The following RTN4 variants were observed in gnomAD, a reference collection of about 807,000 sequenced individuals.
The protein encoded by RTN4 is reticulon 4.
Under a neutral mutation model 90.4 loss-of-function variants are expected in RTN4, and 32 were observed. That is an observed-to-expected ratio of 0.35 (90% CI 0.27 to 0.48). RTN4 has a LOEUF of 0.48. Ranked by LOEUF, RTN4 falls within the 20% of genes least tolerant of loss-of-function variation. The pLI is 0.99. For synonymous variants in RTN4, 629 were observed against 552.5 expected (o/e 1.14, Z -1.94); for missense variants, 1,706 against 1,430.2 (o/e 1.19, Z -3.11).
At chr2:55,123,191 G>C in the RTN4 span, among the ~76,000 whole-genome samples, 3 of 152,018 alleles carry the variant, frequency 2.0e-5, no homozygotes, top group Admixed American at 2.0e-4. Context: ...GCATAAATAG[G>C]CATTTTTAAC....
At chr2:55,048,549 A>C (rs1338986784) in intron 1 of RTN4, among the ~76,000 whole-genome samples, 1 of 151,854 alleles carries the variant, frequency 6.6e-6, no homozygotes, top group East Asian at 1.9e-4. Flanking sequence ...GCATTACCCT[A>C]GGCCTACACA....
In RTN4 at chr2:55,110,804, G is replaced by C. The variant is rs551546236; in HGVS notation, c.-214+1716C>G. ...GCCTATAATCCCAGCACTTTGGGAGGCCAAGGCAGGCAGGTCGCCTGAGAT... is the reference window on the plus strand; with the variant it reads ...GCCTATAATCCCAGCACTTTGGGAGCCCAAGGCAGGCAGGTCGCCTGAGAT... On this transcript the variant is annotated intron_variant, in intron 1 of 3. Transcript: ENST00000427710. Among the ~76,000 whole-genome samples the C allele has an allele frequency of 3.3e-5, 5 of 152,320 alleles. No individual in the cohort carries two copies. In the South Asian group the frequency reaches 6.2e-4, roughly 19 times the overall value.
Position 55,066,693 on chromosome 2 carries a change from AAAATAAATAAAT to A in RTN4, c.-63+13784_-63+13795del, listed in dbSNP as rs201230678. ...TGGGTAACAGCAAGACTCCATCTCAAAAATAAATAAATAAATAAATAAATAAATAAATAAATA... is the reference window on the plus strand; with the variant it reads ...TGGGTAACAGCAAGACTCCATCTCAAAAATAAATAAATAAATAAATAAATA... On this transcript the variant is annotated intron_variant, in intron 2 of 3. Transcript: ENST00000427710. Among the ~76,000 whole-genome samples the A allele has an allele frequency of 2.0e-3, 298 of 145,518 alleles. 1 individual carries two copies. In the Middle Eastern group the frequency reaches 0.021, roughly 10 times the overall value.
rs1261298392 is a variant in RTN4, at chr2:55,058,414, T to TA, written c.-63+22074dup. Among the ~76,000 whole-genome samples, 3 of 152,226 alleles carry TA rather than the reference T, an allele frequency of 2.0e-5. No individual in the cohort carries two copies. In the East Asian group the frequency reaches 5.8e-4, roughly 29 times the overall value. ...CTGAATGTGTAGGTGGTGATAATGT[T>TA]AAATGTACCACACAAAATCAGATTC... On this transcript the variant is annotated intron_variant, in intron 2 of 3. Coordinates refer to the RTN4 transcript ENST00000427710.
intron 3 of RTN4, among the ~76,000 whole-genome samples, chr2:54,989,081 G>C (rs148587916): frequency 1.0e-3 from 157 of 152,322 alleles, no homozygotes; most frequent in African/African-American, 3.6e-3. Context: ...CCCCTAAGAT[G>C]TATGTAACTT....
At chr2:55,088,776 A>G (rs2105041314) in intron 1 of RTN4, among the ~76,000 whole-genome samples, 1 of 152,336 alleles carries the variant, frequency 6.6e-6, no homozygotes, top group East Asian at 1.9e-4. Context: ...AGGGAGGAAC[A>G]CAGAAAAGGA....
At position 55,049,817 on chromosome 2, in the gene RTN4, G is replaced by C. The variant is rs1265450802; in HGVS notation, c.484C>G (p.Pro162Ala). 8.4e-6 allele frequency: 11 copies of C among 1,309,628 alleles called. No homozygotes were observed. In the Admixed American group the frequency reaches 3.7e-4, roughly 45 times the overall value. The allele number at this position is 1,309,628 out of a possible 1,614,324, so 81.1% of individuals were successfully genotyped here. The change falls in exon 1 of 9, where the codon CCA becomes GCA. Residue 162 changes from proline to alanine, a missense_variant. By Grantham distance (27) the Pro-to-Ala change is conservative. Coordinates refer to ENST00000337526, the MANE Select transcript of RTN4 (RefSeq NM_020532.5). ...SPQAEPVWTP[P>A]APAPAAPPST... is the part of the protein sequence containing the mutation. Reference sequence around the variant, plus strand: ...GGGGGCGCGGCGGGAGCCGGGGCTGGCGGGGTCCACACGGGCTCTGCCTGG... The same window carrying C: ...GGGGGCGCGGCGGGAGCCGGGGCTGCCGGGGTCCACACGGGCTCTGCCTGG...
At chr2:55,123,820 AT>A in the RTN4 span, among the ~76,000 whole-genome samples, 3 of 151,988 alleles carry the variant, frequency 2.0e-5, no homozygotes, top group African/African-American at 7.3e-5. Context: ...TTCTTTCCTA[AT>A]TTTTGAATAA....
chr2:55,080,277 C>T (rs976753589), intron 2 of RTN4, among the ~76,000 whole-genome samples: 4 of 152,034 alleles, frequency 2.6e-5, no homozygotes, highest in African/African-American at 9.7e-5. Flanking sequence ...CCCAGCCTTC[C>T]AAAGTACTGG....
chr2:55,064,414 G>C (rs1668355673), intron 2 of RTN4, among the ~76,000 whole-genome samples: 2 of 139,126 alleles, frequency 1.4e-5, no homozygotes, highest in Non-Finnish European at 3.0e-5. Context: ...AGTGGCACTT[G>C]ATCTCGGCTC....
At chr2:55,066,814 TA>T (rs1321422827) in intron 2 of RTN4, among the ~76,000 whole-genome samples, 6 of 152,198 alleles carry the variant, frequency 3.9e-5, no homozygotes, top group Admixed American at 1.3e-4. Flanking sequence ...GTCATTTTTA[TA>T]AGTCAAAAAT....
At chr2:55,097,801 G>T (rs1240986759) in intron 1 of RTN4, among the ~76,000 whole-genome samples, 1 of 152,042 alleles carries the variant, frequency 6.6e-6, no homozygotes, top group Admixed American at 6.6e-5. Context: ...TGGAACTCAG[G>T]ATAGAGGTCA....
chr2:55,088,394 G>A (rs1354831346), intron 1 of RTN4, among the ~76,000 whole-genome samples: 2 of 152,048 alleles, frequency 1.3e-5, no homozygotes, highest in Admixed American at 6.6e-5. Context: ...TAACTGTTAG[G>A]GATTTAATAA....
chr2:55,008,224 T>C (rs1380790339), intron 3 of RTN4, among the ~76,000 whole-genome samples: 1 of 151,474 alleles, frequency 6.6e-6, no homozygotes, highest in Non-Finnish European at 1.5e-5. Flanking sequence ...AATCTGTCAC[T>C]ATGCTATACT....
At chr2:55,097,725 G>C (rs1667770542) in intron 1 of RTN4, among the ~76,000 whole-genome samples, 1 of 152,120 alleles carries the variant, frequency 6.6e-6, no homozygotes, top group Admixed American at 6.5e-5. Flanking sequence ...AATGAGCTCA[G>C]TTTTGGAACA....
At chr2:55,049,280 C>G in intron 1 of RTN4, 1 of 540,730 alleles carries the variant, frequency 1.8e-6, no homozygotes, top group Non-Finnish European at 2.4e-6. Context: ...GCCAACAGAC[C>G]CGCAGCAAAA....
chr2:55,047,032 T>C (rs945959297), intron 1 of RTN4: 11 of 152,226 alleles, frequency 7.2e-5, no homozygotes, highest in African/African-American at 2.2e-4. Context: ...TTGTCAATCA[T>C]TAAACTTCCT....
upstream of RTN4, among the ~76,000 whole-genome samples, chr2:55,055,496 G>A (rs766550113): frequency 2.2e-4 from 34 of 152,094 alleles, no homozygotes; most frequent in Admixed American, 1.4e-3. Flanking sequence ...GGCCGGGCGC[G>A]GTGGCTCACG....
chr2:55,050,212 T>A lies in RTN4; in HGVS notation c.89A>T (p.Glu30Val). The A allele has an allele frequency of 6.4e-7, 1 of 1,567,722 alleles. No homozygotes were observed. Among genetic ancestry groups the A allele is most frequent in the African/African-American group, 1.4e-5 (1 of 71,408 alleles). The change falls in exon 1 of 9, where the codon GAG becomes GTG. Residue 30 changes from glutamate to valine, a missense_variant. Glu to Val is a moderately radical substitution (Grantham distance 121). Transcript: ENST00000337526. The surrounding 1 kb of genome is among the most constrained non-coding windows in gnomAD (Gnocchi z 4.6). ...QPAFKYQFVR[E>V]PEDEEEEEEE... is the part of the protein sequence containing the mutation. ...CTCTTCTTCCTCCTCGTCCTCGGGC[T>A]CCCTCACGAACTGGTACTTGAACGC... is the stretch of plus-strand genomic sequence containing the variant.
Sources: gnomAD v4.1 joint callset for allele counts (sites outside exome capture counted in the v4.1 genomes callset) on GRCh38, gnomAD v4.1.1 for gene constraint, Gnocchi (gnomAD v3.1) non-coding constraint, MANE v1.5 for transcripts, NCBI Gene and HGNC (gene_info 2026-07-23, HGNC 2026-07-21) for gene names.